The following ABCC2 variants were observed in gnomAD, a reference collection of about 807,000 sequenced individuals.
ABCC2 encodes ATP-binding cassette sub-family C member 2.
Under a neutral mutation model 173.4 loss-of-function variants are expected in ABCC2, and 157 were observed. The observed-to-expected ratio is 0.91, with a 90% CI of 0.80 to 1.03. The LOEUF (loss-of-function observed/expected upper bound fraction) is 1.03. Among genes scored for constraint, ABCC2 ranks in the 50% least tolerant of loss-of-function variants. The pLI, the probability that ABCC2 is intolerant of heterozygous loss-of-function variation, is 0.00. For missense variants in ABCC2, 1,822 were observed against 1,852.3 expected (o/e 0.98, Z 0.30); for synonymous variants, 657 against 693.5 (o/e 0.95, Z 0.83).
chr10:99,795,173 G>A (rs907220033), intron 6 of ABCC2, among the ~76,000 whole-genome samples: 57 of 152,162 alleles, frequency 3.7e-4, no homozygotes, highest in African/African-American at 1.4e-3. Flanking sequence ...TGAAGTCTAT[G>A]AATCCCTTCT....
At chr10:99,840,767 A>G (rs1022717317) in intron 25 of ABCC2, among the ~76,000 whole-genome samples, 1 of 152,318 alleles carries the variant, frequency 6.6e-6, no homozygotes, top group South Asian at 2.1e-4. Context: ...CGCCCGCCTC[A>G]GCCTCCCAAA....
At chr10:99,806,077 C>CTCTCTGTGTGTGTGTGTGTGTGTGTG (rs10644836) in intron 11 of ABCC2, among the ~76,000 whole-genome samples, 1 of 148,044 alleles carries the variant, frequency 6.8e-6, no homozygotes, top group African/African-American at 2.5e-5. Flanking sequence ...CTCTCTCTGT[C>CTCTCTGTGTGTGTGTGTGTGTGTGTG]TGTGTGTGTG....
At chr10:99,846,128 T>C (rs1016718950) in intron 29 of ABCC2, among the ~76,000 whole-genome samples, 3 of 152,220 alleles carry the variant, frequency 2.0e-5, no homozygotes, top group African/African-American at 4.8e-5. Context: ...CATTAAGCTT[T>C]ATACTCCCCA....
intron 2 of ABCC2, among the ~76,000 whole-genome samples, chr10:99,785,363 G>A (rs2037688436): frequency 6.6e-6 from 1 of 152,198 alleles, no homozygotes; most frequent in African/African-American, 2.4e-5. Flanking sequence ...GCCCAGGAGG[G>A]GCCAGGAGGG....
Position 99,830,334 on chromosome 10 carries a change from A to G in ABCC2, c.2648A>G (p.Asp883Gly), listed in dbSNP as rs1278470889. 9.3e-6 allele frequency: 15 copies of G among 1,614,182 alleles called. No individual in the cohort carries two copies. Among genetic ancestry groups the G allele is most frequent in the Non-Finnish European group, 1.3e-5 (15 of 1,180,012 alleles). Residue 883 changes from aspartate (D) to glycine (G), a missense_variant, in exon 20 of 32, where the codon GAT (aspartate) becomes GGT (glycine). Physicochemically the swap from Asp to Gly is moderately conservative, Grantham distance 94. Transcript: ENST00000647814. ...CATGATGGCAGTGAAGAAGAAGACG[A>G]TGACTATGGGCTGATATCCAGTGTG... ...TVHDGSEEED[D>G]DYGLISSVEE...
At chr10:99,831,105 G>C (rs920808850) in intron 21 of ABCC2, among the ~76,000 whole-genome samples, 2 of 152,168 alleles carry the variant, frequency 1.3e-5, no homozygotes, top group African/African-American at 4.8e-5. Context: ...CCATTCTGAT[G>C]TGTGGAGGAA....
chr10:99,832,428 G>A (rs956704332), intron 23 of ABCC2, among the ~76,000 whole-genome samples: 24 of 151,352 alleles, frequency 1.6e-4, no homozygotes, highest in Admixed American at 3.9e-4. Context: ...GGTGGTCTGG[G>A]AGTACAAAGG....
Position 99,807,465 on chromosome 10 carries a change from G to T in ABCC2, c.1612G>T (p.Ala538Ser). The part of the protein sequence containing the change: ...LRKKELKNLL[A>S]FSQLQCVVIF... Reference sequence around the variant, plus strand: ...GAAGAAAGAGCTCAAGAACCTGCTGGCCTTTAGTCAACTACAGTGTGTAGT... The same window carrying T: ...GAAGAAAGAGCTCAAGAACCTGCTGTCCTTTAGTCAACTACAGTGTGTAGT... Residue 538 changes from alanine (A) to serine (S), a missense_variant, in exon 12 of 32, where the codon GCC becomes TCC. Ala to Ser is a moderately conservative substitution (Grantham distance 99). Transcript: ENST00000647814. 5 of 1,614,088 alleles carry T rather than the reference G, an allele frequency of 3.1e-6. No homozygotes were observed. Among genetic ancestry groups the T allele is most frequent in the Non-Finnish European group, 4.2e-6 (5 of 1,179,978 alleles).
intron 7 of ABCC2, 99 bp downstream of exon 7, chr10:99,797,430 C>G: frequency 9.6e-7 from 1 of 1,044,140 alleles, no homozygotes; most frequent in Non-Finnish European, 1.5e-6. Flanking sequence ...TATAGCACTT[C>G]ATACTTCTCA....
Position 99,808,181 on chromosome 10 carries a change from G to A in ABCC2, c.1767G>A (p.Leu589=). The change falls in exon 13 of 32, where the codon CTG becomes CTA. Residue 589 remains leucine, a synonymous_variant. Transcript: ENST00000647814. ...AFTSITLFNI[L]RFPLSMLPMM... Reference sequence around the variant, plus strand: ...CCTCCATTACCCTCTTCAATATCCTGCGCTTTCCCCTGAGCATGCTTCCCA... The same window carrying A: ...CCTCCATTACCCTCTTCAATATCCTACGCTTTCCCCTGAGCATGCTTCCCA... 6.2e-7 allele frequency: 1 copy of A among 1,614,018 alleles called. No individual in the cohort carries two copies. The highest frequency in any genetic ancestry group is 1.7e-5 in the Admixed American group (1 of 60,020).
intron 30 of ABCC2, among the ~76,000 whole-genome samples, chr10:99,848,514 AG>A (rs1251454635): frequency 2.6e-5 from 4 of 152,188 alleles, no homozygotes; most frequent in African/African-American, 9.7e-5. Flanking sequence ...AAGCTCAGGA[AG>A]GAAGGGAGGG....
intron 19 of ABCC2, among the ~76,000 whole-genome samples, chr10:99,827,394 G>A (rs2038663150): frequency 1.3e-5 from 2 of 152,192 alleles, no homozygotes; most frequent in African/African-American, 4.8e-5. Flanking sequence ...CGTTGACTGA[G>A]CCATTACCGG....
At chr10:99,806,493 A>G (rs1340347083) in intron 11 of ABCC2, among the ~76,000 whole-genome samples, 1 of 152,222 alleles carries the variant, frequency 6.6e-6, no homozygotes, top group Non-Finnish European at 1.5e-5. Flanking sequence ...TAAGTTCCCT[A>G]GATGATTCTA....
intron 30 of ABCC2, among the ~76,000 whole-genome samples, chr10:99,847,693 G>C (rs933534118): frequency 1.3e-5 from 2 of 151,968 alleles, no homozygotes; most frequent in Non-Finnish European, 2.9e-5. Context: ...GGCTGAGGCC[G>C]GTGGATCACG....
intron 17 of ABCC2, 79 bp downstream of exon 17, chr10:99,817,563 C>A: frequency 1.4e-6 from 2 of 1,456,728 alleles, no homozygotes; most frequent in Non-Finnish European, 1.9e-6. Flanking sequence ...AAGAACTACA[C>A]AGGGGTAATC....
chr10:99,790,961 A>T (rs1002161165), intron 2 of ABCC2, among the ~76,000 whole-genome samples: 2 of 152,216 alleles, frequency 1.3e-5, no homozygotes, highest in Non-Finnish European at 2.9e-5. Context: ...ATGGTGCCAC[A>T]TAAATATCTT....
rs1176165659 is a variant in ABCC2, at chr10:99,790,372, T to C, written c.208-1862T>C. On this transcript the variant is annotated intron_variant, in intron 2 of 31. Coordinates refer to ENST00000647814, the MANE Select transcript of ABCC2 (RefSeq NM_000392.5). ...TTTTAAATCCATTTAATTTATATAC[T>C]CATTTTTTTACATTGAGTTATTAGG... Among the ~76,000 whole-genome samples, 4 of 152,360 alleles carry C rather than the reference T, an allele frequency of 2.6e-5. No homozygotes were observed. The East Asian group carries it at 7.7e-4, about 29-fold the overall frequency.
At chr10:99,793,854 A>T in intron 4 of ABCC2, 38 bp from the exon 5 acceptor site, 1 of 1,591,168 alleles carries the variant, frequency 6.3e-7, no homozygotes, top group Non-Finnish European at 8.6e-7. Context: ...TCCTTTGGAC[A>T]AAAGGCTCAT....
intron 19 of ABCC2, among the ~76,000 whole-genome samples, chr10:99,828,298 G>C (rs962721118): frequency 6.6e-6 from 1 of 152,020 alleles, no homozygotes; most frequent in Admixed American, 6.6e-5. Flanking sequence ...CCAGAGCCTA[G>C]GATGCTGCTG....
Sources: allele counts gnomAD v4.1 joint callset (sites outside exome capture counted in the v4.1 genomes callset), GRCh38; gene constraint gnomAD v4.1.1; transcripts MANE v1.5; gene names NCBI Gene and HGNC (gene_info 2026-07-23, HGNC 2026-07-21).